ABI3BP: variants seen among roughly 807,000 people sequenced by gnomAD.
The protein encoded by ABI3BP is ABI family member 3 binding protein.
A neutral mutation model predicts 268.6 loss-of-function variants in ABI3BP; 216 were observed. The ratio of observed to expected loss-of-function variants is 0.80; its 90% CI spans 0.72 to 0.90. The LOEUF is 0.90. ABI3BP is among the 40% of genes least tolerant of loss of function. ABI3BP has a pLI of 0.00. For missense variants in ABI3BP, 2,090 were observed against 2,182.4 expected (o/e 0.96, Z 0.84); for synonymous variants, 730 against 730.0 (o/e 1.00, Z 0.00).
intron 63 of ABI3BP, among the ~76,000 whole-genome samples, chr3:100,757,703 A>G (rs2095697443): frequency 6.6e-6 from 1 of 152,242 alleles, no homozygotes; most frequent in Non-Finnish European, 1.5e-5. Context: ...TAGGAATTCC[A>G]AAAGAGATGT....
At chr3:100,881,644 C>CA (rs1038366453) in intron 6 of ABI3BP, among the ~76,000 whole-genome samples, 25 of 144,400 alleles carry the variant, frequency 1.7e-4, no homozygotes, top group Non-Finnish European at 2.6e-4. Context: ...GTTTTACCTT[C>CA]AAAAAAAAGA....
rs12637419 is a variant in ABI3BP, at chr3:100,972,226, G to C, written c.79+21080C>G. Among the ~76,000 whole-genome samples, 709 of 152,284 alleles carry C rather than the reference G, an allele frequency of 4.7e-3. 39 individuals carry two copies. In the East Asian group the frequency reaches 0.12, roughly 25 times the overall value. On this transcript the variant is annotated intron_variant, in intron 1 of 67. Coordinates refer to ENST00000471714, the MANE Select transcript of ABI3BP (RefSeq NM_001375547.2). Reference sequence around the variant, plus strand: ...ATTAAAGTGAGATAATTGTGTGAAAGTGCTTTTTAAATTAAAAAGCAAAAT... The same window carrying C: ...ATTAAAGTGAGATAATTGTGTGAAACTGCTTTTTAAATTAAAAAGCAAAAT...
At chr3:100,936,209 C>A (rs554150121) in intron 1 of ABI3BP, among the ~76,000 whole-genome samples, 1 of 152,136 alleles carries the variant, frequency 6.6e-6, no homozygotes, top group African/African-American at 2.4e-5. Context: ...TTGTTGAAGG[C>A]CTTTTCTGCA....
chr3:100,909,860 C>T (rs1426490864), intron 2 of ABI3BP, among the ~76,000 whole-genome samples: 2 of 152,174 alleles, frequency 1.3e-5, no homozygotes, highest in African/African-American at 4.8e-5. Context: ...GACAGTGTGG[C>T]AATTCCTCAA....
chr3:100,815,797 G>A (rs1238350441), intron 44 of ABI3BP, 115 bp downstream of exon 44: 19 of 672,534 alleles, frequency 2.8e-5, no homozygotes, highest in Non-Finnish European at 4.3e-5. Flanking sequence ...AAAATGAAGT[G>A]TAGAATGGAA....
At chr3:100,921,906 C>T (rs914061105) in intron 2 of ABI3BP, among the ~76,000 whole-genome samples, 2 of 152,168 alleles carry the variant, frequency 1.3e-5, no homozygotes, top group African/African-American at 4.8e-5. Flanking sequence ...AACAGCTTCT[C>T]AATTCAATGG....
intron 57 of ABI3BP, among the ~76,000 whole-genome samples, chr3:100,783,999 T>C (rs1252881188): frequency 6.6e-6 from 1 of 152,190 alleles, no homozygotes; most frequent in African/African-American, 2.4e-5. Context: ...GCTAGAAAAA[T>C]GACCCACTTT....
intron 37 of ABI3BP, 53 bp from the exon 38 acceptor site, chr3:100,822,725 G>C: frequency 1.1e-5 from 16 of 1,477,476 alleles, no homozygotes; most frequent in South Asian, 2.4e-5. Context: ...TATGATTCTG[G>C]AAGCTGTGTG....
At chr3:100,933,589 A>G (rs1278662791) in intron 1 of ABI3BP, among the ~76,000 whole-genome samples, 2 of 150,996 alleles carry the variant, frequency 1.3e-5, no homozygotes, top group African/African-American at 4.9e-5. Flanking sequence ...AGAACTAACA[A>G]GAAAAAAAAA....
intron 1 of ABI3BP, among the ~76,000 whole-genome samples, chr3:100,970,199 A>AATT (rs923763775): frequency 1.6e-4 from 25 of 152,222 alleles, no homozygotes; most frequent in African/African-American, 6.0e-4. Flanking sequence ...TATAATGAGC[A>AATT]ATTAATAAGT....
chr3:100,864,158 C>G, intron 11 of ABI3BP, 82 bp from the exon 12 acceptor site: 1 of 888,062 alleles, frequency 1.1e-6, no homozygotes, highest in Non-Finnish European at 1.8e-6. Flanking sequence ...GCACAGCAAG[C>G]TTTGTAACAG....
chr3:100,824,935 T>C lies in ABI3BP; in HGVS notation c.2669A>G (p.Lys890Arg), dbSNP rs2098341076. The change falls in exon 36 of 68, where the codon AAA becomes AGA. Residue 890 changes from lysine to arginine, a missense_variant. Transcript: ENST00000471714. ...TEIPATTLAT[K>R]TSKRTRPPRP... ...TGGAGGGCGGGTTCTTTTTGATGTTTTGGTAGCTGAAGGAAGAAAAAGCCT... is the reference window on the plus strand; with the variant it reads ...TGGAGGGCGGGTTCTTTTTGATGTTCTGGTAGCTGAAGGAAGAAAAAGCCT... The C allele has an allele frequency of 6.5e-7, 1 of 1,535,666 alleles. No individual in the cohort carries two copies. The highest frequency in any genetic ancestry group is 1.4e-5 in the African/African-American group (1 of 72,994).
rs546826231 is a variant in ABI3BP, at chr3:100,976,279, G to A, written c.79+17027C>T. 5.6e-4 allele frequency among the ~76,000 whole-genome samples: 85 copies of A among 152,206 alleles called. No individual in the cohort carries two copies. The South Asian group carries it at 1.0e-2, about 18-fold the overall frequency. The stretch of plus-strand genomic sequence containing the variant: ...GAAAAATTTTCTCACCCTTCACAGA[G>A]GGTGCATATAAAATATTCCCTACAT... On this transcript the variant is annotated intron_variant, in intron 1 of 67. Coordinates refer to ENST00000471714, the MANE Select transcript of ABI3BP (RefSeq NM_001375547.2).
At chr3:100,991,311 T>C (rs2092876464) in intron 1 of ABI3BP, among the ~76,000 whole-genome samples, 1 of 152,230 alleles carries the variant, frequency 6.6e-6, no homozygotes, top group Non-Finnish European at 1.5e-5. Flanking sequence ...TTTCTTCTTT[T>C]TTAACTCAAC....
At chr3:100,780,826 C>T (rs955978815) in intron 57 of ABI3BP, among the ~76,000 whole-genome samples, 1 of 152,148 alleles carries the variant, frequency 6.6e-6, no homozygotes, top group Non-Finnish European at 1.5e-5. Flanking sequence ...TATTTTGTCT[C>T]CTAAGCCCCT....
Position 100,898,784 on chromosome 3 carries a change from G to T in ABI3BP, c.439C>A (p.Pro147Thr). 1 of 1,613,360 alleles carries T rather than the reference G, an allele frequency of 6.2e-7. No homozygotes were observed. Among genetic ancestry groups the T allele is most frequent in the South Asian group, 1.1e-5 (1 of 90,934 alleles). The change falls in exon 4 of 68, where the codon CCA becomes ACA. Residue 147 changes from proline to threonine, a missense_variant. By Grantham distance (38) the Pro-to-Thr change is conservative. Transcript: ENST00000471714. ...LINPHHDWTL[P>T]SHCPNDRFYT... ...TACCTGTCATTGGGACAGTGACTTG[G>T]CAATGTCCAGTCATGGTGTGGGTTG...
intron 67 of ABI3BP, 63 bp downstream of exon 67, chr3:100,751,489 C>A: frequency 7.0e-7 from 1 of 1,430,824 alleles, no homozygotes; most frequent in Non-Finnish European, 9.3e-7. Context: ...CTTTCCTCAG[C>A]TTGATTTCTT....
At chr3:100,810,525 A>G in intron 48 of ABI3BP, 48 bp from the exon 49 acceptor site, 1 of 1,312,374 alleles carries the variant, frequency 7.6e-7, no homozygotes, top group Middle Eastern at 1.8e-4. Context: ...CACTTGACAG[A>G]CCTTGAGTAC....
At chr3:100,767,199 C>CAA (rs1485578539) in intron 62 of ABI3BP, among the ~76,000 whole-genome samples, 3 of 152,154 alleles carry the variant, frequency 2.0e-5, no homozygotes, top group Admixed American at 2.0e-4. Flanking sequence ...CTCAGCTTCT[C>CAA]AAAAGTGTTG....
Sources: gnomAD v4.1 joint callset for allele counts (sites outside exome capture counted in the v4.1 genomes callset) on GRCh38, gnomAD v4.1.1 for gene constraint, MANE v1.5 for transcripts, NCBI Gene and HGNC (gene_info 2026-07-23, HGNC 2026-07-21) for gene names.